The following TMEM150B variants were observed in gnomAD, a reference collection of about 807,000 sequenced individuals.
TMEM150B encodes modulator of macroautophagy TMEM150B.
A neutral mutation model predicts 25.2 loss-of-function variants in TMEM150B; 33 were observed. The ratio of observed to expected loss-of-function variants is 1.31; its 90% CI spans 0.99 to 1.75. The LOEUF is 1.75. Ranked by LOEUF, TMEM150B falls within the 40% of genes most tolerant of loss-of-function variation. TMEM150B has a pLI of 0.00. For synonymous variants in TMEM150B, 133 were observed against 134.8 expected, an observed-to-expected ratio of 0.99 and a Z score of 0.09; for missense variants, 322 against 306.1, an observed-to-expected ratio of 1.05 and a Z score of -0.39.
intron 6 of TMEM150B, 30 bp downstream of exon 6, chr19:55,320,009 G>A (rs2089150876): frequency 6.2e-7 from 1 of 1,613,722 alleles, no homozygotes; most frequent in African/African-American, 1.3e-5. Flanking sequence ...CGCCGGCCGG[G>A]ACAGACCCTG....
chr19:55,320,330 G>A, intron 5 of TMEM150B, 61 bp downstream of exon 5: 1 of 1,502,772 alleles, frequency 6.7e-7, no homozygotes, highest in Non-Finnish European at 8.9e-7. Flanking sequence ...GAAAGGAGCG[G>A]TTTCGGAACT....
rs747179844 is a variant in TMEM150B, at chr19:55,312,893, G to A, written c.668C>T (p.Pro223Leu). 115 of 1,599,248 alleles carry A rather than the reference G, an allele frequency of 7.2e-5. No homozygotes were observed. Among genetic ancestry groups the A allele is most frequent in the Non-Finnish European group, 8.7e-5 (102 of 1,174,046 alleles). Residue 223 changes from proline to leucine, a missense_variant, in exon 8 of 8, where the codon CCG becomes CTG. Pro to Leu is a moderately conservative substitution (Grantham distance 98). Transcript: ENST00000326652. Reference sequence around the variant, plus strand: ...GACCGGCAGGGAGATGGGGGAGGCCGGCGGGGGGCTGAGGCTGGGCCACGG... The same window carrying A: ...GACCGGCAGGGAGATGGGGGAGGCCAGCGGGGGGCTGAGGCTGGGCCACGG... ...VQPWPSLSPPPASPISLPVQL is the reference protein window; with the variant it reads ...VQPWPSLSPPLASPISLPVQL
intron 7 of TMEM150B, among the ~76,000 whole-genome samples, chr19:55,315,184 T>A (rs903199048): frequency 6.6e-6 from 1 of 151,306 alleles, no homozygotes; most frequent in African/African-American, 2.4e-5. Context: ...GGTGTGGTGG[T>A]GCATGCCTGT....
chr19:55,311,980 G>T (rs370352134), downstream of TMEM150B: 7 of 1,433,874 alleles, frequency 4.9e-6, no homozygotes, highest in Admixed American at 7.7e-5. Flanking sequence ...CCACCCGGCC[G>T]CCCAGACCCA....
Position 55,320,952 on chromosome 19 carries a change from A to T in TMEM150B, c.68+17T>A. 1 of 1,612,918 alleles carries T rather than the reference A, an allele frequency of 6.2e-7. No individual in the cohort carries two copies. Among genetic ancestry groups the T allele is most frequent in the Non-Finnish European group, 8.5e-7 (1 of 1,179,424 alleles). On this transcript the variant is annotated intron_variant, in intron 3 of 7. Transcript: ENST00000326652. Reference sequence around the variant, plus strand: ...CCACCCTCAGACCCAGGAGTCCATCATGCCTCTGACACTCACACGATCCAG... The same window carrying T: ...CCACCCTCAGACCCAGGAGTCCATCTTGCCTCTGACACTCACACGATCCAG...
At chr19:55,319,239 G>A (rs966236824) in intron 6 of TMEM150B, among the ~76,000 whole-genome samples, 1 of 151,812 alleles carries the variant, frequency 6.6e-6, no homozygotes, top group East Asian at 1.9e-4. Context: ...AGTCTCCTGA[G>A]TAGCTGGGCT....
downstream of TMEM150B, among the ~76,000 whole-genome samples, chr19:55,310,709 G>T (rs2088768324): frequency 6.6e-6 from 1 of 152,162 alleles, no homozygotes; most frequent in Admixed American, 6.5e-5. The surrounding 1 kb of genome is among the most constrained non-coding windows in gnomAD (Gnocchi z 5.0). Flanking sequence ...GTCCCAAATG[G>T]CAGTCGTGCT....
At chr19:55,315,720 C>G (rs894812968) in intron 7 of TMEM150B, among the ~76,000 whole-genome samples, 1 of 150,434 alleles carries the variant, frequency 6.6e-6, no homozygotes, top group Non-Finnish European at 1.5e-5. Context: ...AAGATCACGC[C>G]ACTTCACTCC....
chr19:55,319,550 AT>A, intron 6 of TMEM150B: 1 of 153,120 alleles, frequency 6.5e-6, no homozygotes, highest in Non-Finnish European at 1.3e-5. Flanking sequence ...GGTTCAAATG[AT>A]TCTCCTGCCT....
rs773129407 is a variant in TMEM150B, at chr19:55,316,852, C to T, written c.439G>A (p.Gly147Arg). Reference protein sequence around the residue: ...LWRLKRLPQPGAAWIGPLRLG... With the variant: ...LWRLKRLPQPRAAWIGPLRLG... ...CGGAGGGGCCCAATCCAGGCAGCCC[C>T]GGGCTGGGGCAGCCTCTTCAGCCTC... Residue 147 changes from glycine (G) to arginine (R), a missense_variant, in exon 7 of 8, where the codon GGG (glycine) becomes AGG (arginine). By Grantham distance (125) the Gly-to-Arg change is moderately radical. Transcript: ENST00000326652. The T allele has an allele frequency of 3.6e-5, 57 of 1,591,940 alleles. No homozygotes were observed. The highest frequency in any genetic ancestry group is 4.1e-5 in the African/African-American group (3 of 73,542).
At position 55,316,922 on chromosome 19, in the gene TMEM150B, G is replaced by A. The variant is rs1167796334; in HGVS notation, c.369C>T (p.Ala123=). The change falls in exon 7 of 8, where the codon GCC becomes GCT. Residue 123 remains alanine (A), a synonymous_variant. Coordinates refer to ENST00000326652, the MANE Select transcript of TMEM150B (RefSeq NM_001282011.2). ...AGAAGTAGACGTTACCCAAGATGAA[G>A]GCAAGGAAGGCCCCTGCCAAGTGCG... ...RPTHLAGAFL[A]FILGNVYFWL... is the part of the protein sequence containing the mutation. 7 of 1,606,816 alleles carry A rather than the reference G, an allele frequency of 4.4e-6. No homozygotes were observed. The highest frequency in any genetic ancestry group is 1.3e-5 in the African/African-American group (1 of 74,454).
At chr19:55,311,456 C>T (rs2088792482), downstream of TMEM150B, among the ~76,000 whole-genome samples, 1 of 152,162 alleles carries the variant, frequency 6.6e-6, no homozygotes, top group Non-Finnish European at 1.5e-5. Context: ...TGAGACCCCC[C>T]CGACTCCACC....
intron 7 of TMEM150B, among the ~76,000 whole-genome samples, chr19:55,315,184 T>C (rs903199048): frequency 1.3e-5 from 2 of 151,306 alleles, no homozygotes; most frequent in East Asian, 3.9e-4. Flanking sequence ...GGTGTGGTGG[T>C]GCATGCCTGT....
At chr19:55,313,929 G>GT (rs1168611427) in intron 7 of TMEM150B, among the ~76,000 whole-genome samples, 1 of 152,204 alleles carries the variant, frequency 6.6e-6, no homozygotes, top group African/African-American at 2.4e-5. Context: ...CTGAGAAGTG[G>GT]TGGCTCACGC....
intron 7 of TMEM150B, among the ~76,000 whole-genome samples, chr19:55,315,880 A>G (rs562426757): frequency 2.0e-5 from 3 of 152,216 alleles, no homozygotes; most frequent in Non-Finnish European, 4.4e-5. Flanking sequence ...CAGTGAGCTG[A>G]GATCACGCCA....
downstream of TMEM150B, among the ~76,000 whole-genome samples, chr19:55,309,972 A>G (rs752059659): frequency 2.5e-4 from 38 of 152,158 alleles, no homozygotes; most frequent in Admixed American, 5.9e-4. Flanking sequence ...GGACCCCTGG[A>G]CCCCGTTGAA....
chr19:55,320,381 C>T lies in TMEM150B; in HGVS notation c.196+10G>A, dbSNP rs1179852968. The T allele has an allele frequency of 6.5e-6, 10 of 1,532,606 alleles. No individual in the cohort carries two copies. Among genetic ancestry groups the T allele is most frequent in the Non-Finnish European group, 8.8e-6 (10 of 1,139,666 alleles). The allele number at this position is 1,532,606 out of a possible 1,614,324, so 94.9% of individuals were successfully genotyped here. A position where few individuals can be genotyped will look rare whatever the true frequency, so the allele number is the denominator to read the frequency against. Reference sequence around the variant, plus strand: ...GGGAGCACTGAACCAAAGGGCTGGGCAATATTTACCCAGAGCAGCTCCCAT... The same window carrying T: ...GGGAGCACTGAACCAAAGGGCTGGGTAATATTTACCCAGAGCAGCTCCCAT... On this transcript the variant is annotated intron_variant, in intron 5 of 7. Transcript: ENST00000326652.
chr19:55,311,847 C>G, downstream of TMEM150B: 2 of 1,561,124 alleles, frequency 1.3e-6, no homozygotes, highest in Admixed American at 3.7e-5. Flanking sequence ...GCCCCCATCC[C>G]CTGGTAATGG....
downstream of TMEM150B, chr19:55,311,788 T>C (rs2088802558): frequency 2.0e-6 from 2 of 1,001,134 alleles, no homozygotes; most frequent in Non-Finnish European, 2.9e-6. Context: ...TTATCAGGGA[T>C]TGGAGCTAGA....
Sources: gnomAD v4.1 joint callset for allele counts (sites outside exome capture counted in the v4.1 genomes callset) on GRCh38, gnomAD v4.1.1 for gene constraint, Gnocchi (gnomAD v3.1) non-coding constraint, MANE v1.5 for transcripts, NCBI Gene and HGNC (gene_info 2026-07-23, HGNC 2026-07-21) for gene names.